Variants in MTUS2 observed in about 807,000 individuals in gnomAD.
MTUS2 encodes microtubule-associated tumor suppressor candidate 2.
Under a neutral mutation model 114.1 loss-of-function variants are expected in MTUS2, and 40 were observed. The observed-to-expected ratio is 0.35, with a 90% CI of 0.27 to 0.46. MTUS2 has a LOEUF of 0.46. Among genes scored for constraint, MTUS2 ranks in the 20% least tolerant of loss-of-function variants. The pLI is 1.00. For synonymous variants in MTUS2, 688 were observed against 672.0 expected (o/e 1.02, Z -0.37); for missense variants, 1,679 against 1,705.4 (o/e 0.98, Z 0.27).
intron 8 of MTUS2, among the ~76,000 whole-genome samples, chr13:29,360,956 A>G (rs1870191159): frequency 2.0e-5 from 3 of 152,152 alleles, no homozygotes; most frequent in South Asian, 2.1e-4. Context: ...AAGGTTTCAT[A>G]TGATGGACAA....
At chr13:28,938,800 G>A (rs542547138) in intron 2 of MTUS2, among the ~76,000 whole-genome samples, 1 of 152,138 alleles carries the variant, frequency 6.6e-6, no homozygotes, top group South Asian at 2.1e-4. Context: ...TGCTTCGGGC[G>A]TACTGAGACT....
At chr13:28,894,303 A>AGAGAGAG (rs1566203647) in intron 2 of MTUS2, among the ~76,000 whole-genome samples, 1 of 3,208 alleles carries the variant, frequency 3.1e-4, no homozygotes, top group African/African-American at 1.1e-3. Context: ...AGAGAGAGAG[A>AGAGAGAG]GGGGGGGGGG....
intron 5 of MTUS2, among the ~76,000 whole-genome samples, chr13:29,108,546 A>G (rs948892220): frequency 2.6e-5 from 4 of 152,184 alleles, no homozygotes; most frequent in African/African-American, 9.7e-5. Flanking sequence ...TTCTTTCAGC[A>G]TATTCTATGT....
In MTUS2 at chr13:29,016,884, T is replaced by A. The variant is rs1886089348; in HGVS notation, c.-242-7573T>A. Reference sequence around the variant, plus strand: ...TATTTTAGCATCTCCCAAAGAATAATTCAGTTTTTAACCATATTGTAAGGA... The same window carrying A: ...TATTTTAGCATCTCCCAAAGAATAAATCAGTTTTTAACCATATTGTAAGGA... On this transcript the variant is annotated intron_variant, in intron 2 of 15. Coordinates refer to ENST00000612955, the MANE Select transcript of MTUS2 (RefSeq NM_001033602.4). Among the ~76,000 whole-genome samples, 3 of 152,316 alleles carry A rather than the reference T, an allele frequency of 2.0e-5. No homozygotes were observed. The South Asian group carries it at 6.2e-4, about 32-fold the overall frequency.
chr13:29,239,293 C>T (rs995005020), intron 5 of MTUS2: 4 of 152,102 alleles, frequency 2.6e-5, no homozygotes, highest in African/African-American at 9.7e-5. Flanking sequence ...TAAAGCCAAA[C>T]AAAATTTATT....
At chr13:29,471,440 G>T (rs1230614734) in intron 9 of MTUS2, among the ~76,000 whole-genome samples, 1 of 152,172 alleles carries the variant, frequency 6.6e-6, no homozygotes, top group African/African-American at 2.4e-5. Context: ...ACTATGCCAA[G>T]AACTATGCTT....
chr13:29,495,032 A>G (rs1222985815), intron 12 of MTUS2, among the ~76,000 whole-genome samples: 1 of 151,868 alleles, frequency 6.6e-6, no homozygotes, highest in Non-Finnish European at 1.5e-5. Context: ...CAAAAATACA[A>G]AATTAGCTGG....
intron 2 of MTUS2, among the ~76,000 whole-genome samples, chr13:29,001,247 A>G (rs2138382634): frequency 6.6e-6 from 1 of 152,292 alleles, no homozygotes; most frequent in East Asian, 1.9e-4. Flanking sequence ...TTCCAGTTTT[A>G]AAAAGATCCT....
In MTUS2 at chr13:29,207,733, T is replaced by C. The variant is rs1369002843; in HGVS notation, c.2645-73971T>C. 3.3e-5 allele frequency among the ~76,000 whole-genome samples: 5 copies of C among 152,324 alleles called. No homozygotes were observed. In the East Asian group the frequency reaches 9.6e-4, roughly 29 times the overall value. On this transcript the variant is annotated intron_variant, in intron 5 of 15. Coordinates refer to ENST00000612955, the MANE Select transcript of MTUS2 (RefSeq NM_001033602.4). ...TATGTGGTGTATCACATTTATTGACTTGCGTATATTAAACCATCCCTGCAT... is the reference window on the plus strand; with the variant it reads ...TATGTGGTGTATCACATTTATTGACCTGCGTATATTAAACCATCCCTGCAT...
At chr13:29,294,085 G>A (rs1001297392) in intron 6 of MTUS2, among the ~76,000 whole-genome samples, 1 of 152,004 alleles carries the variant, frequency 6.6e-6, no homozygotes, top group African/African-American at 2.4e-5. Context: ...GAATAAAAAG[G>A]ATAATAATTT....
chr13:29,389,697 GTATATGTGTATATGTATATATACATACA>G, intron 8 of MTUS2, among the ~76,000 whole-genome samples: 1 of 138,726 alleles, frequency 7.2e-6, no homozygotes, highest in Admixed American at 7.1e-5. Flanking sequence ...GTATATATGT[GTATATGTGTATATGTATATATACATACA>G]TATGTGTGTA....
chr13:29,000,206 A>G (rs1329751778), intron 2 of MTUS2, among the ~76,000 whole-genome samples: 1 of 152,228 alleles, frequency 6.6e-6, no homozygotes, highest in Non-Finnish European at 1.5e-5. Context: ...ACTGGTTTCC[A>G]TAGCAGTTAT....
intron 5 of MTUS2, among the ~76,000 whole-genome samples, chr13:29,144,423 GTGC>G (rs1380536075): frequency 5.3e-5 from 8 of 151,864 alleles, no homozygotes; most frequent in Admixed American, 5.2e-4. Context: ...GTGTGCAGTG[GTGC>G]AGTCGTGGCT....
At chr13:28,841,063 C>T (rs531129352) in intron 2 of MTUS2, among the ~76,000 whole-genome samples, 9 of 152,258 alleles carry the variant, frequency 5.9e-5, no homozygotes, top group Non-Finnish European at 8.8e-5. Context: ...TTCTCAAAGA[C>T]GATTTAAACT....
At chr13:29,490,028 T>A (rs1881943080) in intron 11 of MTUS2, 2 of 152,220 alleles carry the variant, frequency 1.3e-5, no homozygotes, top group Admixed American at 6.5e-5. Flanking sequence ...AGACACCACA[T>A]TCCAGGTCTT....
intron 9 of MTUS2, among the ~76,000 whole-genome samples, chr13:29,471,192 A>G (rs954573521): frequency 1.3e-5 from 2 of 151,678 alleles, no homozygotes; most frequent in African/African-American, 4.8e-5. Flanking sequence ...AAAATACACA[A>G]ATTAGCTGGG....
At chr13:29,366,193 A>ACT (rs1870698552) in intron 8 of MTUS2, among the ~76,000 whole-genome samples, 2 of 152,182 alleles carry the variant, frequency 1.3e-5, no homozygotes, top group African/African-American at 4.8e-5. Flanking sequence ...GGTTTAATGA[A>ACT]CTCACAGTTC....
chr13:29,006,314 T>C (rs1463069932), intron 2 of MTUS2, among the ~76,000 whole-genome samples: 1 of 152,222 alleles, frequency 6.6e-6, no homozygotes, highest in Non-Finnish European at 1.5e-5. Flanking sequence ...TCTCTGGGCA[T>C]TACTCCTTTC....
intron 6 of MTUS2, among the ~76,000 whole-genome samples, chr13:29,299,549 T>C (rs969890771): frequency 6.6e-6 from 1 of 152,126 alleles, no homozygotes; most frequent in Non-Finnish European, 1.5e-5. Flanking sequence ...CTAAGTGCTG[T>C]GAAAGGGAAA....
Sources: gnomAD v4.1 joint callset for allele counts (sites outside exome capture counted in the v4.1 genomes callset) on GRCh38, gnomAD v4.1.1 for gene constraint, MANE v1.5 for transcripts, NCBI Gene and HGNC (gene_info 2026-07-23, HGNC 2026-07-21) for gene names.